ALK: variants seen among roughly 807,000 people sequenced by gnomAD.
The protein encoded by ALK is ALK receptor tyrosine kinase.
ALK carries 74 observed loss-of-function variants against 163.1 expected under a neutral mutation model. The ratio of observed to expected loss-of-function variants is 0.45; its 90% CI spans 0.38 to 0.55. The LOEUF is 0.55. Ranked by LOEUF, ALK falls within the 20% of genes least tolerant of loss-of-function variation. ALK has a pLI of 0.00. For missense variants in ALK, 2,063 were observed against 2,105.3 expected, an observed-to-expected ratio of 0.98 and a Z score of 0.39; for synonymous variants, 960 against 843.2, an observed-to-expected ratio of 1.14 and a Z score of -2.40.
chr2:29,579,421 C>T (rs1004147696), intron 3 of ALK, among the ~76,000 whole-genome samples: 1 of 152,158 alleles, frequency 6.6e-6, no homozygotes, highest in South Asian at 2.1e-4. Context: ...ATCCCCATGG[C>T]TTATTTAATT....
Position 29,685,896 on chromosome 2 carries a change from C to T in ALK, c.952+8954G>A, listed in dbSNP as rs146639687. Among the ~76,000 whole-genome samples, 712 of 152,316 alleles carry T rather than the reference C, an allele frequency of 4.7e-3. 4 individuals are homozygous for T. Among genetic ancestry groups the T allele is most frequent in the Middle Eastern group, 0.014 (4 of 294 alleles). ...GAGGCTACCTCCATTCTTCCTCTCACGGCTTCTTCCTCCATCTTCAAATCC... is the reference window on the plus strand; with the variant it reads ...GAGGCTACCTCCATTCTTCCTCTCATGGCTTCTTCCTCCATCTTCAAATCC... On this transcript the variant is annotated intron_variant, in intron 3 of 28. Coordinates refer to ENST00000389048, the MANE Select transcript of ALK (RefSeq NM_004304.5).
intron 1 of ALK, among the ~76,000 whole-genome samples, chr2:29,801,977 A>G (rs968331991): frequency 1.3e-5 from 2 of 152,212 alleles, no homozygotes; most frequent in African/African-American, 4.8e-5. Context: ...ATAAATAATA[A>G]TGATGATAAT....
intron 1 of ALK, among the ~76,000 whole-genome samples, chr2:29,849,698 C>T (rs765480433): frequency 7.9e-5 from 12 of 152,290 alleles, no homozygotes; most frequent in Admixed American, 2.6e-4. Flanking sequence ...GGGCAATCTA[C>T]CTTGGCCAGT....
intron 26 of ALK, among the ~76,000 whole-genome samples, chr2:29,204,576 C>T (rs1461699084): frequency 1.3e-5 from 2 of 152,088 alleles, no homozygotes; most frequent in Non-Finnish European, 1.5e-5. Flanking sequence ...GGCAACATGA[C>T]CCAGCCCTGT....
intron 4 of ALK, among the ~76,000 whole-genome samples, chr2:29,420,825 A>T (rs1669998794): frequency 6.6e-6 from 1 of 151,566 alleles, no homozygotes; most frequent in Non-Finnish European, 1.5e-5. Flanking sequence ...AACCACACGG[A>T]GGAGAAATGC....
At chr2:29,213,211 T>G (rs1438999439) in intron 24 of ALK, among the ~76,000 whole-genome samples, 1 of 152,232 alleles carries the variant, frequency 6.6e-6, no homozygotes, top group African/African-American at 2.4e-5. Flanking sequence ...AGCTGTCAGC[T>G]GAGAAAGTCA....
chr2:29,442,925 A>G (rs1350654806), intron 4 of ALK, among the ~76,000 whole-genome samples: 2 of 152,230 alleles, frequency 1.3e-5, no homozygotes, highest in East Asian at 3.8e-4. Flanking sequence ...TGAAAGGGAC[A>G]AAGCGTGACT....
intron 4 of ALK, among the ~76,000 whole-genome samples, chr2:29,504,463 C>T (rs2148134533): frequency 6.6e-6 from 1 of 152,236 alleles, no homozygotes; most frequent in East Asian, 1.9e-4. Flanking sequence ...GCTAGAAAGG[C>T]CAGTCAGGAG....
At chr2:29,388,076 C>T (rs770319995) in intron 4 of ALK, among the ~76,000 whole-genome samples, 1 of 152,180 alleles carries the variant, frequency 6.6e-6, no homozygotes, top group Non-Finnish European at 1.5e-5. Flanking sequence ...ACAAAAAAAT[C>T]ACAAGAAGCT....
At chr2:29,742,306 G>C (rs1419725575) in intron 1 of ALK, among the ~76,000 whole-genome samples, 1 of 152,212 alleles carries the variant, frequency 6.6e-6, no homozygotes, top group East Asian at 1.9e-4. Flanking sequence ...GTAGGTATGG[G>C]CGAATGGTGC....
chr2:29,497,566 T>A (rs2148129339), intron 4 of ALK, among the ~76,000 whole-genome samples: 1 of 152,322 alleles, frequency 6.6e-6, no homozygotes, highest in Non-Finnish European at 1.5e-5. Flanking sequence ...CACAGACCCA[T>A]GCTCTGTTGC....
At chr2:29,840,832 G>A (rs1317755950) in intron 1 of ALK, among the ~76,000 whole-genome samples, 1 of 152,158 alleles carries the variant, frequency 6.6e-6, no homozygotes, top group Non-Finnish European at 1.5e-5. Context: ...AGTAGACAAG[G>A]CAATTTGGAT....
In ALK at chr2:29,220,748, C is replaced by T. The variant is rs775693375; in HGVS notation, c.3603G>A (p.Gly1201=). Residue 1201 remains glycine (G), a synonymous_variant, in exon 23 of 29, where the codon GGG becomes GGA. Coordinates refer to ENST00000389048, the MANE Select transcript of ALK (RefSeq NM_004304.5). ...PRFILLELMA[G]GDLKSFLRET... is the part of the protein sequence containing the mutation. ...CTCGGAGGAAGGACTTGAGGTCTCC[C>T]CCCGCCATGAGCTCCAGCAGGATGA... 3 of 1,613,896 alleles carry T rather than the reference C, an allele frequency of 1.9e-6. No individual in the cohort carries two copies. The highest frequency in any genetic ancestry group is 2.5e-6 in the Non-Finnish European group (3 of 1,179,856).
At chr2:29,377,945 C>A (rs1352883928) in intron 5 of ALK, among the ~76,000 whole-genome samples, 1 of 152,168 alleles carries the variant, frequency 6.6e-6, no homozygotes, top group East Asian at 1.9e-4. Flanking sequence ...AGTAAGGAAC[C>A]AAGAAGATTA....
intron 3 of ALK, among the ~76,000 whole-genome samples, chr2:29,613,914 A>AG (rs903297597): frequency 2.2e-4 from 33 of 152,138 alleles, no homozygotes; most frequent in African/African-American, 6.3e-4. Context: ...GTCAGGAAAA[A>AG]GGGGGGGTTC....
rs183296720 is a variant in ALK, at chr2:29,438,509, T to C, written c.1155-54650A>G. Among the ~76,000 whole-genome samples the C allele has an allele frequency of 1.2e-3, 182 of 152,352 alleles. 1 individual carries two copies. The highest frequency in any genetic ancestry group is 3.9e-3 in the African/African-American group (161 of 41,582). ...AAGCATCAATTTTAATCAAATTATT[T>C]TGAGAAGACAAGTTTAATATTTTTT... On this transcript the variant is annotated intron_variant, in intron 4 of 28. Transcript: ENST00000389048.
intron 23 of ALK, 97 bp from the exon 24 acceptor site, chr2:29,214,178 C>A (rs995750621): frequency 7.0e-6 from 7 of 998,280 alleles, no homozygotes; most frequent in Non-Finnish European, 9.3e-6. Context: ...GGAGGCAGAC[C>A]GTGAACATGC....
intron 4 of ALK, among the ~76,000 whole-genome samples, chr2:29,390,515 G>T (rs1386695723): frequency 6.6e-6 from 1 of 150,708 alleles, no homozygotes; most frequent in Non-Finnish European, 1.5e-5. Flanking sequence ...AAGGTGTAAA[G>T]ATTTGTTAGA....
chr2:29,485,811 A>G (rs182344604), intron 4 of ALK, among the ~76,000 whole-genome samples: 60 of 152,242 alleles, frequency 3.9e-4, no homozygotes, highest in Admixed American at 2.2e-3. Flanking sequence ...CTGAGTCATA[A>G]GACATTGTTC....
Sources: gnomAD v4.1 joint callset for allele counts (sites outside exome capture counted in the v4.1 genomes callset) on GRCh38, gnomAD v4.1.1 for gene constraint, MANE v1.5 for transcripts, NCBI Gene and HGNC (gene_info 2026-07-23, HGNC 2026-07-21) for gene names.